The following ANKRD55 variants were observed in gnomAD, a reference collection of about 807,000 sequenced individuals.
The protein encoded by ANKRD55 is ankyrin repeat domain-containing protein 55.
ANKRD55 carries 41 observed loss-of-function variants against 60.6 expected under a neutral mutation model. The observed-to-expected ratio is 0.68, with a 90% CI of 0.53 to 0.88. The LOEUF (loss-of-function observed/expected upper bound fraction) is 0.88. Ranked by LOEUF, ANKRD55 falls within the 40% of genes least tolerant of loss-of-function variation. The pLI, the probability that ANKRD55 is intolerant of heterozygous loss-of-function variation, is 0.00. For missense variants in ANKRD55, 732 were observed against 767.6 expected (o/e 0.95, Z 0.55); for synonymous variants, 264 against 290.3 (o/e 0.91, Z 0.92).
chr5:56,208,852 G>A (rs1365802179), intron 2 of ANKRD55, among the ~76,000 whole-genome samples: 2 of 152,076 alleles, frequency 1.3e-5, no homozygotes, highest in Non-Finnish European at 2.9e-5. Context: ...GACAGAAAAC[G>A]TTCAGTTCCA....
intron 2 of ANKRD55, among the ~76,000 whole-genome samples, chr5:56,213,558 T>C (rs1466251177): frequency 1.3e-5 from 2 of 151,048 alleles, no homozygotes; most frequent in African/African-American, 4.9e-5. Context: ...CTCTATCGAA[T>C]AGTACAACAT....
chr5:56,170,651 G>A (rs765712540), intron 5 of ANKRD55, 43 bp downstream of exon 5: 1 of 1,490,190 alleles, frequency 6.7e-7, no homozygotes, highest in Non-Finnish European at 9.4e-7. Context: ...CATACAAGTT[G>A]AGTCACTCCC....
intron 2 of ANKRD55, among the ~76,000 whole-genome samples, chr5:56,230,609 T>C (rs73118095): frequency 6.6e-6 from 1 of 152,198 alleles, no homozygotes; most frequent in Admixed American, 6.5e-5. Flanking sequence ...TCCAACAATA[T>C]AGTATTTAAA....
chr5:56,141,130 G>GT (rs33972955), intron 7 of ANKRD55, among the ~76,000 whole-genome samples: 28,990 of 111,348 alleles, frequency 0.26, 4,407 homozygotes, highest in East Asian at 0.51. Context: ...TGCACACACA[G>GT]TTTTTTTTTT....
At chr5:56,189,266 G>A (rs1045673557) in intron 2 of ANKRD55, among the ~76,000 whole-genome samples, 15 of 148,796 alleles carry the variant, frequency 1.0e-4, no homozygotes, top group African/African-American at 2.7e-4. Flanking sequence ...AGCCAACATC[G>A]CGCCACTGCA....
intron 2 of ANKRD55, among the ~76,000 whole-genome samples, chr5:56,231,068 G>A (rs940939529): frequency 6.6e-6 from 1 of 152,168 alleles, no homozygotes; most frequent in Non-Finnish European, 1.5e-5. Flanking sequence ...AGAGAGGTTA[G>A]GTAACTTGCC....
At chr5:56,186,136 C>T (rs1758968270) in intron 2 of ANKRD55, among the ~76,000 whole-genome samples, 1 of 152,052 alleles carries the variant, frequency 6.6e-6, no homozygotes, top group Admixed American at 6.6e-5. Flanking sequence ...TTGGACCGTC[C>T]CCTCTCCAGG....
intron 6 of ANKRD55, among the ~76,000 whole-genome samples, chr5:56,155,668 G>A (rs1292439082): frequency 6.6e-6 from 1 of 151,936 alleles, no homozygotes; most frequent in Non-Finnish European, 1.5e-5. Flanking sequence ...AGAGTTATAT[G>A]AGTGCCATCT....
At chr5:56,209,179 A>G (rs559914488) in intron 2 of ANKRD55, among the ~76,000 whole-genome samples, 1 of 151,698 alleles carries the variant, frequency 6.6e-6, no homozygotes, top group African/African-American at 2.4e-5. Flanking sequence ...CTGGTTTCAA[A>G]CTCTTGGCCT....
intron 2 of ANKRD55, chr5:56,193,349 C>A: frequency 6.0e-6 from 5 of 830,900 alleles, no homozygotes; most frequent in Non-Finnish European, 7.7e-6. Context: ...AACTTTTCAT[C>A]CCTTTGTTTC....
At chr5:56,102,391 A>G (rs1023537429) in intron 11 of ANKRD55, 103 bp downstream of exon 11, 8 of 158,844 alleles carry the variant, frequency 5.0e-5, no homozygotes, top group Non-Finnish European at 8.1e-5. Flanking sequence ...ACTCCATCTC[A>G]AAAAAAAAAA....
Position 56,124,882 on chromosome 5 carries a change from T to TG in ANKRD55, c.797+2039dup, listed in dbSNP as rs548743536. On this transcript the variant is annotated intron_variant, in intron 8 of 11. Transcript: ENST00000341048. ...ATTTCATGTTTTGCTGCAGAAAACG[T>TG]GGAAAAAAATGGAGGCTAGGATTTG... 3.1e-3 allele frequency among the ~76,000 whole-genome samples: 466 copies of TG among 152,308 alleles called. 1 individual carries two copies. The highest frequency in any genetic ancestry group is 8.5e-3 in the African/African-American group (354 of 41,562).
chr5:56,188,096 C>T (rs564987449), intron 2 of ANKRD55, among the ~76,000 whole-genome samples: 1 of 152,288 alleles, frequency 6.6e-6, no homozygotes, highest in East Asian at 1.9e-4. Flanking sequence ...GGCTATATCC[C>T]TGGTCAGGGG....
At chr5:56,132,902 A>C (rs1430245689) in intron 7 of ANKRD55, among the ~76,000 whole-genome samples, 1 of 152,234 alleles carries the variant, frequency 6.6e-6, no homozygotes, top group Non-Finnish European at 1.5e-5. Context: ...AGACTACAAA[A>C]CAAAGAAAGT....
intron 9 of ANKRD55, chr5:56,114,215 C>A (rs1219739701): frequency 5.9e-6 from 1 of 169,060 alleles, no homozygotes; most frequent in Non-Finnish European, 1.3e-5. Context: ...GTAATCCCAG[C>A]CACTCTGGAG....
chr5:56,121,195 C>A (rs1187524517), intron 8 of ANKRD55, among the ~76,000 whole-genome samples: 1 of 152,090 alleles, frequency 6.6e-6, no homozygotes, highest in Admixed American at 6.6e-5. Flanking sequence ...AGAACCAAGG[C>A]ACACACAATA....
chr5:56,166,203 C>CCTTCCTTCCTTCCTTCCT (rs1343977513), intron 5 of ANKRD55, among the ~76,000 whole-genome samples: 1 of 84,638 alleles, frequency 1.2e-5, no homozygotes. Flanking sequence ...CCTTCCTTCT[C>CCTTCCTTCCTTCCTTCCT]TCTCTCTCTC....
At chr5:56,119,024 C>T (rs933251253) in intron 8 of ANKRD55, among the ~76,000 whole-genome samples, 9 of 152,110 alleles carry the variant, frequency 5.9e-5, no homozygotes, top group South Asian at 2.1e-4. Context: ...CAGTTCCTTC[C>T]GAAGTTAAAC....
At chr5:56,109,076 CA>C (rs1561249594) in intron 10 of ANKRD55, among the ~76,000 whole-genome samples, 62 of 151,580 alleles carry the variant, frequency 4.1e-4, no homozygotes, top group African/African-American at 1.4e-3. Context: ...CACACACACA[CA>C]CACCCCACCG....
Sources: gnomAD v4.1 joint callset for allele counts (sites outside exome capture counted in the v4.1 genomes callset) on GRCh38, gnomAD v4.1.1 for gene constraint, MANE v1.5 for transcripts, NCBI Gene and HGNC (gene_info 2026-07-23, HGNC 2026-07-21) for gene names.